Variants in OIP5 observed in about 807,000 individuals in gnomAD.
OIP5 encodes protein Mis18-beta.
OIP5 carries 24 observed loss-of-function variants against 20.3 expected under a neutral mutation model. The ratio of observed to expected loss-of-function variants is 1.18; its 90% CI spans 0.86 to 1.66. OIP5 has a LOEUF of 1.66. OIP5 is among the 40% of genes most tolerant of loss of function. The pLI, the probability that OIP5 is intolerant of heterozygous loss-of-function variation, is 0.00. For missense variants in OIP5, 339 were observed against 289.5 expected, an observed-to-expected ratio of 1.17 and a Z score of -1.24; for synonymous variants, 143 against 121.3, an observed-to-expected ratio of 1.18 and a Z score of -1.17.
chr15:41,321,996 T>C (rs946298968), intron 2 of OIP5, among the ~76,000 whole-genome samples: 1 of 152,118 alleles, frequency 6.6e-6, no homozygotes, highest in African/African-American at 2.4e-5. Flanking sequence ...AAGGGAATCC[T>C]ATTACCCTAG....
chr15:41,309,689 A>G lies in OIP5; in HGVS notation c.*65T>C. On this transcript the variant is annotated 3_prime_UTR_variant, in exon 5 of 5. Coordinates refer to ENST00000220514, the MANE Select transcript of OIP5 (RefSeq NM_007280.2). Reference sequence around the variant, plus strand: ...AGCCAATCTTTTTCAAGAAATGACTAAGCAGCACCTGTTGTTGAAGACAGC... The same window carrying G: ...AGCCAATCTTTTTCAAGAAATGACTGAGCAGCACCTGTTGTTGAAGACAGC... 1 of 1,039,252 alleles carries G rather than the reference A, an allele frequency of 9.6e-7. No homozygotes were observed. Among genetic ancestry groups the G allele is most frequent in the Non-Finnish European group, 1.5e-6 (1 of 677,440 alleles). 64.4% of individuals were successfully genotyped at this position (1,039,252 alleles called of 1,614,324 possible).
intron 2 of OIP5, among the ~76,000 whole-genome samples, chr15:41,320,074 A>C (rs1404781611): frequency 1.3e-5 from 2 of 152,208 alleles, no homozygotes; most frequent in African/African-American, 4.8e-5. Context: ...GAGCTAACTA[A>C]TCTGATTAAC....
Position 41,332,540 on chromosome 15 carries a change from G to GCCGCAGCGGCTGAGCCGCCATCTTC in OIP5, c.-4_21dup (p.His8GlufsTer26). On this transcript the variant is annotated frameshift_variant, in exon 1 of 5. Coordinates refer to ENST00000220514, the MANE Select transcript of OIP5 (RefSeq NM_007280.2). LOFTEE classifies it high-confidence loss of function. ...GGCGGCGTTGCACAACGTGAGCGAT[G>GCCGCAGCGGCTGAGCCGCCATCTTC]CCGCAGCGGCTGAGCCGCCATCTTC... 1.9e-6 allele frequency: 3 copies of GCCGCAGCGGCTGAGCCGCCATCTTC among 1,607,584 alleles called. No homozygotes were observed. The highest frequency in any genetic ancestry group is 2.5e-6 in the Non-Finnish European group (3 of 1,177,086).
intron 3 of OIP5, among the ~76,000 whole-genome samples, chr15:41,314,873 C>G (rs2047780042): frequency 1.3e-5 from 2 of 151,360 alleles, no homozygotes; most frequent in Admixed American, 1.3e-4. Context: ...CTCAAGTGAT[C>G]CGCCTGCCTC....
chr15:41,311,979 C>T (rs1356459138), intron 4 of OIP5, among the ~76,000 whole-genome samples: 3 of 142,372 alleles, frequency 2.1e-5, no homozygotes, highest in Admixed American at 1.4e-4. Context: ...CTCAGCCTCC[C>T]GAAAAGCTGG....
chr15:41,320,543 G>A (rs1043768275), intron 2 of OIP5, among the ~76,000 whole-genome samples: 6 of 152,220 alleles, frequency 3.9e-5, no homozygotes, highest in African/African-American at 1.4e-4. Flanking sequence ...GCCTCCCAGG[G>A]TGCCGGGATT....
intron 2 of OIP5, among the ~76,000 whole-genome samples, chr15:41,320,848 TC>T: frequency 7.2e-6 from 1 of 138,184 alleles, no homozygotes; most frequent in Non-Finnish European, 1.6e-5. Flanking sequence ...GAGCGCCTCT[TC>T]CCGGCCGCCA....
At chr15:41,316,663 G>A (rs1023593834) in intron 3 of OIP5, among the ~76,000 whole-genome samples, 4 of 151,710 alleles carry the variant, frequency 2.6e-5, no homozygotes, top group Admixed American at 1.3e-4. Context: ...GGTGGTGGGC[G>A]CCTGTAGTTC....
chr15:41,318,053 A>G (rs1471506252), intron 3 of OIP5, among the ~76,000 whole-genome samples: 1 of 152,130 alleles, frequency 6.6e-6, no homozygotes, highest in African/African-American at 2.4e-5. Context: ...ACAAATATAC[A>G]AGGCCCCACC....
At position 41,331,222 on chromosome 15, in the gene OIP5, T is replaced by C. The variant is rs989941231; in HGVS notation, c.389+693A>G. On this transcript the variant is annotated intron_variant, in intron 2 of 4. Coordinates refer to ENST00000220514, the MANE Select transcript of OIP5 (RefSeq NM_007280.2). ...AATACCAAATTCACTGACTACTTTA[T>C]TGTCACTTGTAAATCATAGTACAGG... Among the ~76,000 whole-genome samples, 11 of 152,338 alleles carry C rather than the reference T, an allele frequency of 7.2e-5. No individual in the cohort carries two copies. In the East Asian group the frequency reaches 1.5e-3, roughly 21 times the overall value.
chr15:41,330,307 C>A (rs1376528477), intron 2 of OIP5, among the ~76,000 whole-genome samples: 1 of 151,776 alleles, frequency 6.6e-6, no homozygotes, highest in Non-Finnish European at 1.5e-5. Flanking sequence ...CCATTTTGGT[C>A]AGGCTGGTCT....
chr15:41,322,499 A>G (rs1039422001), intron 2 of OIP5, among the ~76,000 whole-genome samples: 11 of 152,214 alleles, frequency 7.2e-5, no homozygotes, highest in African/African-American at 1.7e-4. Context: ...CCTGGGCTCA[A>G]CTGATCTACC....
At chr15:41,312,162 T>C (rs1185319227) in intron 4 of OIP5, among the ~76,000 whole-genome samples, 1 of 147,648 alleles carries the variant, frequency 6.8e-6, no homozygotes, top group African/African-American at 2.4e-5. Context: ...CCTTCTTTTT[T>C]TCTTTTTTTT....
In OIP5 at chr15:41,319,773, T is replaced by TTTAC; in HGVS notation, c.396_397insGTAA (p.Asn133ValfsTer36). On this transcript the variant is annotated frameshift_variant, in exon 3 of 5. Transcript: ENST00000220514. LOFTEE classifies it high-confidence loss of function. Reference sequence around the variant, plus strand: ...CCACAAGAACCACAGAATAAAAGGTTGTAAGTACTAGGGGTGGGGAAAAAC... The same window carrying TTTAC: ...CCACAAGAACCACAGAATAAAAGGTTTTACGTAAGTACTAGGGGTGGGGAAAAAC... The TTTAC allele has an allele frequency of 6.2e-7, 1 of 1,611,548 alleles. No individual in the cohort carries two copies.
intron 4 of OIP5, among the ~76,000 whole-genome samples, chr15:41,311,809 A>AC (rs2047756165): frequency 6.7e-6 from 1 of 149,670 alleles, no homozygotes; most frequent in Non-Finnish European, 1.5e-5. Flanking sequence ...CTCATGATCC[A>AC]CCCACCTCGG....
chr15:41,329,636 A>C (rs1039370046), intron 2 of OIP5, among the ~76,000 whole-genome samples: 7 of 151,730 alleles, frequency 4.6e-5, no homozygotes, highest in Admixed American at 2.6e-4. Context: ...TTTACAAAGC[A>C]TCTAAACAAG....
intron 2 of OIP5, among the ~76,000 whole-genome samples, chr15:41,327,365 G>T (rs955464945): frequency 5.9e-5 from 9 of 151,932 alleles, no homozygotes; most frequent in African/African-American, 2.2e-4. Context: ...TATTAGTAGA[G>T]ATGGGGTTTC....
chr15:41,314,371 G>A (rs916921491), intron 3 of OIP5, among the ~76,000 whole-genome samples: 1 of 152,142 alleles, frequency 6.6e-6, no homozygotes, highest in Non-Finnish European at 1.5e-5. Context: ...CAAAGTGCTG[G>A]GATTATAGGC....
chr15:41,327,049 G>A (rs1195350868), intron 2 of OIP5, among the ~76,000 whole-genome samples: 1 of 150,166 alleles, frequency 6.7e-6, no homozygotes, highest in East Asian at 2.0e-4. Flanking sequence ...TTTACTGTAT[G>A]TGATTTGTTT....
Sources: gnomAD v4.1 joint callset for allele counts (sites outside exome capture counted in the v4.1 genomes callset) on GRCh38, gnomAD v4.1.1 for gene constraint, MANE v1.5 for transcripts, NCBI Gene and HGNC (gene_info 2026-07-23, HGNC 2026-07-21) for gene names.